Variants in ANOS1 observed in about 807,000 individuals in gnomAD.
ANOS1 encodes the protein anosmin 1, also known as anosmin-1.
ANOS1 carries 6 observed loss-of-function variants against 59.0 expected under a neutral mutation model. The ratio of observed to expected loss-of-function variants is 0.10; its 90% CI spans 0.06 to 0.20. ANOS1 has a LOEUF of 0.20. Ranked by LOEUF, ANOS1 falls within the 10% of genes least tolerant of loss-of-function variation. The pLI, the probability that ANOS1 is intolerant of heterozygous loss-of-function variation, is 1.00. For missense variants in ANOS1, 433 were observed against 542.3 expected, an observed-to-expected ratio of 0.80 and a Z score of 2.00; for synonymous variants, 217 against 223.4, an observed-to-expected ratio of 0.97 and a Z score of 0.25.
chrX:8,593,801 G>A (rs1177405779), intron 4 of ANOS1, among the ~76,000 whole-genome samples: 1 of 111,055 alleles, frequency 9.0e-6, no homozygotes, highest in Non-Finnish European at 1.9e-5. Context: ...AGCCTCCCAA[G>A]TAGCTATGAC....
intron 8 of ANOS1, among the ~76,000 whole-genome samples, chrX:8,556,393 C>T (rs1481184137): frequency 1.9e-5 from 2 of 106,913 alleles, no homozygotes; most frequent in African/African-American, 6.6e-5. Context: ...GTCAAATTGT[C>T]TCTGTTTGCA....
chrX:8,531,428 C>T lies in ANOS1; in HGVS notation c.*1567G>A, dbSNP rs1929495767. On this transcript the variant is annotated 3_prime_UTR_variant, in exon 14 of 14. Coordinates refer to ENST00000262648, the MANE Select transcript of ANOS1 (RefSeq NM_000216.4). ...ACAATAAAACAACAAGAAGCAAGTA[C>T]CATTGTCAAAACCTAAGGATAATGT... is the stretch of plus-strand genomic sequence containing the variant. The T allele has an allele frequency of 9.0e-6, 1 of 111,489 alleles. No homozygotes were observed. The highest frequency in any genetic ancestry group is 1.9e-5 in the Non-Finnish European group (1 of 53,112). 9.2% of individuals were successfully genotyped at this position (111,489 alleles called of 1,213,427 possible).
At chrX:8,685,325 TCATTATAC>T (rs1328657967) in intron 2 of ANOS1, among the ~76,000 whole-genome samples, 1 of 109,303 alleles carries the variant, frequency 9.1e-6, no homozygotes, top group Non-Finnish European at 1.9e-5. Flanking sequence ...CAGAAGCCAT[TCATTATAC>T]CTCTCTGTGC....
At chrX:8,598,422 T>C (rs763848005) in intron 3 of ANOS1, among the ~76,000 whole-genome samples, 26 of 112,212 alleles carry the variant, frequency 2.3e-4, no homozygotes, top group Non-Finnish European at 3.8e-4. Flanking sequence ...GGAGCTGCAA[T>C]TGGAAGATAA....
At chrX:8,667,627 G>C (rs775522479) in intron 2 of ANOS1, among the ~76,000 whole-genome samples, 1 of 111,479 alleles carries the variant, frequency 9.0e-6, no homozygotes, top group African/African-American at 3.3e-5. Context: ...CTGTAATGTG[G>C]GTCACACACC....
chrX:8,604,470 T>G (rs1047503047), intron 3 of ANOS1, among the ~76,000 whole-genome samples: 2 of 112,457 alleles, frequency 1.8e-5, no homozygotes, highest in Non-Finnish European at 3.7e-5. Context: ...TATTCAAAAA[T>G]GCAATCTTAC....
At chrX:8,547,421 A>G (rs1228615472) in intron 9 of ANOS1, among the ~76,000 whole-genome samples, 1 of 111,898 alleles carries the variant, frequency 8.9e-6, no homozygotes, top group East Asian at 2.8e-4. Context: ...TTTAAAATGT[A>G]CCTTAAACTT....
At chrX:8,562,718 C>T (rs1324670315) in intron 8 of ANOS1, among the ~76,000 whole-genome samples, 1 of 111,572 alleles carries the variant, frequency 9.0e-6, no homozygotes, top group African/African-American at 3.3e-5. Flanking sequence ...TGAAAATATT[C>T]CTCCTGCCTT....
intron 3 of ANOS1, among the ~76,000 whole-genome samples, chrX:8,619,070 CAAAAAAAAAAA>C (rs1164164251): frequency 4.5e-5 from 2 of 43,973 alleles, no homozygotes; most frequent in South Asian, 2.2e-3. Context: ...AAACCTCTCT[CAAAAAAAAAAA>C]AAAAAAAAAA....
chrX:8,532,628 T>C lies in ANOS1; in HGVS notation c.*367A>G, dbSNP rs1929518098. Reference sequence around the variant, plus strand: ...ATTTACGCTTAGTGTTATGTGTGAATTGTGTATTTGTTACTCTCCTTTTTG... The same window carrying C: ...ATTTACGCTTAGTGTTATGTGTGAACTGTGTATTTGTTACTCTCCTTTTTG... On this transcript the variant is annotated 3_prime_UTR_variant, in exon 14 of 14. Coordinates refer to ENST00000262648, the MANE Select transcript of ANOS1 (RefSeq NM_000216.4). 6.8e-6 allele frequency: 1 copy of C among 147,480 alleles called. No homozygotes were observed. Among genetic ancestry groups the C allele is most frequent in the African/African-American group, 3.1e-5 (1 of 32,752 alleles). 12.2% of individuals were successfully genotyped at this position (147,480 alleles called of 1,213,427 possible). A position where few individuals can be genotyped will look rare whatever the true frequency, so the allele number is the denominator to read the frequency against.
intron 3 of ANOS1, among the ~76,000 whole-genome samples, chrX:8,607,925 C>T (rs931990752): frequency 2.7e-5 from 3 of 111,353 alleles, no homozygotes; most frequent in Admixed American, 9.6e-5. Flanking sequence ...GATATAAGGA[C>T]GAGATCAACA....
At chrX:8,601,587 A>G (rs949873960) in intron 3 of ANOS1, among the ~76,000 whole-genome samples, 2 of 112,151 alleles carry the variant, frequency 1.8e-5, no homozygotes, top group Non-Finnish European at 3.8e-5. Flanking sequence ...TAGCCCAACA[A>G]TTTAGATCTT....
At chrX:8,640,539 C>A (rs377552328) in intron 2 of ANOS1, among the ~76,000 whole-genome samples, 123 of 71,255 alleles carry the variant, frequency 1.7e-3, no homozygotes, top group African/African-American at 6.8e-3. Context: ...AGAGAAAAAA[C>A]AAAGCAAGAC....
At chrX:8,571,081 C>T (rs1930223910) in intron 6 of ANOS1, among the ~76,000 whole-genome samples, 3 of 100,734 alleles carry the variant, frequency 3.0e-5, no homozygotes, top group African/African-American at 1.1e-4. Flanking sequence ...CACTGCATAC[C>T]AGCCTGCGCA....
At chrX:8,664,111 C>T (rs947893667) in intron 2 of ANOS1, among the ~76,000 whole-genome samples, 9 of 111,793 alleles carry the variant, frequency 8.1e-5, no homozygotes, top group African/African-American at 6.5e-5. Flanking sequence ...TTGATAGGTG[C>T]GACAAACCAT....
chrX:8,668,571 G>T (rs138475924), intron 2 of ANOS1, among the ~76,000 whole-genome samples: 1 of 100,805 alleles, frequency 9.9e-6, no homozygotes, highest in African/African-American at 3.6e-5. Context: ...TATATATGAT[G>T]GAATACTATA....
chrX:8,647,820 G>A (rs749530320), intron 2 of ANOS1, among the ~76,000 whole-genome samples: 6 of 111,437 alleles, frequency 5.4e-5, no homozygotes, highest in Admixed American at 3.8e-4. Flanking sequence ...AAAATGAATC[G>A]TTTGAGCCAA....
intron 2 of ANOS1, among the ~76,000 whole-genome samples, chrX:8,659,620 TC>T (rs1464301791): frequency 0.081 from 5,131 of 63,726 alleles, 336 homozygotes; most frequent in African/African-American, 0.25. Context: ...CTTCCTTCCT[TC>T]CTTCCTTCCT....
At chrX:8,729,712 T>TAAAAAAAAAAAAAAAAAAAA (rs1173021674) in intron 1 of ANOS1, among the ~76,000 whole-genome samples, 1 of 63,083 alleles carries the variant, frequency 1.6e-5, no homozygotes, top group African/African-American at 5.9e-5. Context: ...TTCTAATTAT[T>TAAAAAAAAAAAAAAAAAAAA]AAAAAAAAAA....
Sources: allele counts gnomAD v4.1 joint callset (sites outside exome capture counted in the v4.1 genomes callset), GRCh38; gene constraint gnomAD v4.1.1; transcripts MANE v1.5; gene names NCBI Gene and HGNC (gene_info 2026-07-23, HGNC 2026-07-21).